CYP7B1: variants seen among roughly 807,000 people sequenced by gnomAD.
CYP7B1 encodes cytochrome P450 family 7 subfamily B member 1.
CYP7B1 carries 29 observed loss-of-function variants against 42.7 expected under a neutral mutation model. That is an observed-to-expected ratio of 0.68 (90% CI 0.51 to 0.93). The LOEUF (loss-of-function observed/expected upper bound fraction) is 0.93, where lower values mean the gene tolerates loss of function less well. CYP7B1 is among the 40% of genes least tolerant of loss of function. The pLI is 0.00. For synonymous variants in CYP7B1, 235 were observed against 218.2 expected, an observed-to-expected ratio of 1.08 and a Z score of -0.68; for missense variants, 655 against 600.5, an observed-to-expected ratio of 1.09 and a Z score of -0.95.
chr8:64,776,590 A>G (rs1484185068), intron 1 of CYP7B1, among the ~76,000 whole-genome samples: 1 of 152,134 alleles, frequency 6.6e-6, no homozygotes, highest in African/African-American at 2.4e-5. Flanking sequence ...TAAACATGAA[A>G]TGAGGAGAGG....
intron 1 of CYP7B1, among the ~76,000 whole-genome samples, chr8:64,634,168 G>T (rs146376246): frequency 1.3e-5 from 2 of 152,262 alleles, no homozygotes; most frequent in East Asian, 3.9e-4. Flanking sequence ...GGGTTGGGTT[G>T]TCTGATATTT....
chr8:64,649,268 C>T (rs1278688052), intron 1 of CYP7B1, among the ~76,000 whole-genome samples: 2 of 152,206 alleles, frequency 1.3e-5, no homozygotes, highest in African/African-American at 2.4e-5. Flanking sequence ...TTCTATCATA[C>T]TGACTACTGT....
At chr8:64,641,737 A>C (rs1308458002) in intron 1 of CYP7B1, among the ~76,000 whole-genome samples, 1 of 152,166 alleles carries the variant, frequency 6.6e-6, no homozygotes, top group Non-Finnish European at 1.5e-5. Context: ...GCTTAGTCAC[A>C]TGACTCTTTG....
Position 64,778,328 on chromosome 8 carries a change from G to C in CYP7B1, c.122+20138C>G, listed in dbSNP as rs1345552498. ...ATGCATGACTACAAAGAAATATAAGGACAAAGTTTTGCATTCTGTATTCAG... is the reference window on the plus strand; with the variant it reads ...ATGCATGACTACAAAGAAATATAAGCACAAAGTTTTGCATTCTGTATTCAG... On this transcript the variant is annotated intron_variant, in intron 1 of 5. Transcript: ENST00000310193. 1.6e-4 allele frequency among the ~76,000 whole-genome samples: 25 copies of C among 151,782 alleles called. No homozygotes were observed. The South Asian group carries it at 5.2e-3, about 32-fold the overall frequency.
chr8:64,769,625 T>C (rs974878674), intron 1 of CYP7B1, among the ~76,000 whole-genome samples: 3 of 152,346 alleles, frequency 2.0e-5, no homozygotes, highest in Non-Finnish European at 2.9e-5. Context: ...CGCTTGAATG[T>C]ATTCCATCCA....
At chr8:64,782,982 A>G (rs1436861458) in intron 1 of CYP7B1, among the ~76,000 whole-genome samples, 1 of 152,160 alleles carries the variant, frequency 6.6e-6, no homozygotes, top group Non-Finnish European at 1.5e-5. Context: ...TGGGCTTTAT[A>G]AGGAAAAGCA....
intron 1 of CYP7B1, among the ~76,000 whole-genome samples, chr8:64,689,410 A>G (rs768894074): frequency 5.2e-4 from 79 of 152,378 alleles, no homozygotes; most frequent in Non-Finnish European, 9.4e-4. Context: ...GAGAAATATT[A>G]TCCCCAAAAT....
intron 4 of CYP7B1, among the ~76,000 whole-genome samples, chr8:64,611,658 CCTTTA>C (rs1291326145): frequency 6.6e-6 from 1 of 152,054 alleles, no homozygotes; most frequent in Non-Finnish European, 1.5e-5. Flanking sequence ...AAGGCATCTC[CCTTTA>C]CTTTAACATC....
chr8:64,665,385 A>G (rs1374393965), intron 1 of CYP7B1, among the ~76,000 whole-genome samples: 1 of 152,078 alleles, frequency 6.6e-6, no homozygotes, highest in Admixed American at 6.6e-5. Context: ...TATATGTAAT[A>G]AAAGGGTAGG....
intron 4 of CYP7B1, among the ~76,000 whole-genome samples, chr8:64,608,666 G>C (rs1805321115): frequency 6.6e-6 from 1 of 152,084 alleles, no homozygotes; most frequent in African/African-American, 2.4e-5. Flanking sequence ...GAGGGGTTGG[G>C]TATGGAGGTG....
chr8:64,731,797 TC>T (rs1470593653), intron 1 of CYP7B1, among the ~76,000 whole-genome samples: 7 of 152,176 alleles, frequency 4.6e-5, no homozygotes, highest in Non-Finnish European at 1.0e-4. Flanking sequence ...GTGTCCGGTG[TC>T]CCAGATGCTT....
chr8:64,744,199 CTGTT>C (rs1807610125), intron 1 of CYP7B1, among the ~76,000 whole-genome samples: 1 of 151,954 alleles, frequency 6.6e-6, no homozygotes, highest in Non-Finnish European at 1.5e-5. Flanking sequence ...GAAATATTGT[CTGTT>C]TATTAATTTT....
intron 1 of CYP7B1, among the ~76,000 whole-genome samples, chr8:64,723,408 A>T (rs985200046): frequency 6.6e-6 from 1 of 152,190 alleles, no homozygotes; most frequent in Non-Finnish European, 1.5e-5. Context: ...AATGCCCAAT[A>T]AGTAAAATTT....
At chr8:64,638,077 A>T (rs1242234521) in intron 1 of CYP7B1, among the ~76,000 whole-genome samples, 1 of 152,078 alleles carries the variant, frequency 6.6e-6, no homozygotes, top group Non-Finnish European at 1.5e-5. Flanking sequence ...TTGATTCATA[A>T]ATGCAATTTC....
At chr8:64,587,015 T>C (rs1804977014), downstream of CYP7B1, among the ~76,000 whole-genome samples, 1 of 152,230 alleles carries the variant, frequency 6.6e-6, no homozygotes, top group Non-Finnish European at 1.5e-5. Flanking sequence ...GAGTCTTTTT[T>C]GCCCGGCAAA....
chr8:64,647,717 T>G (rs1805974772), intron 1 of CYP7B1, among the ~76,000 whole-genome samples: 1 of 152,036 alleles, frequency 6.6e-6, no homozygotes, highest in African/African-American at 2.4e-5. Context: ...AAATTCCTCC[T>G]CCCTCCACAT....
At chr8:64,711,408 G>A (rs192359726) in intron 1 of CYP7B1, among the ~76,000 whole-genome samples, 9 of 152,284 alleles carry the variant, frequency 5.9e-5, no homozygotes, top group Admixed American at 2.0e-4. Flanking sequence ...GCCCACCACC[G>A]CTGCTTCCTG....
chr8:64,614,084 CGCA>C (rs1324316830), intron 4 of CYP7B1, among the ~76,000 whole-genome samples: 1 of 152,044 alleles, frequency 6.6e-6, no homozygotes, highest in Non-Finnish European at 1.5e-5. Context: ...TAAAGGATAC[CGCA>C]GGATGAAATG....
At chr8:64,653,254 T>C (rs772154092) in intron 1 of CYP7B1, among the ~76,000 whole-genome samples, 5 of 152,070 alleles carry the variant, frequency 3.3e-5, no homozygotes, top group Non-Finnish European at 7.4e-5. Flanking sequence ...TACTGCTACC[T>C]AGACTAATAA....
Sources: allele counts gnomAD v4.1 joint callset (sites outside exome capture counted in the v4.1 genomes callset), GRCh38; gene constraint gnomAD v4.1.1; transcripts MANE v1.5; gene names NCBI Gene and HGNC (gene_info 2026-07-23, HGNC 2026-07-21).